The following CMSS1 variants were observed in gnomAD, a reference collection of about 807,000 sequenced individuals.
CMSS1 encodes the protein protein CMSS1.
Under a neutral mutation model 43.5 loss-of-function variants are expected in CMSS1, and 33 were observed. The ratio of observed to expected loss-of-function variants is 0.76; its 90% CI spans 0.57 to 1.01. CMSS1 has a LOEUF of 1.01. Ranked by LOEUF, CMSS1 falls within the 50% of genes least tolerant of loss-of-function variation. The pLI is 0.00. For missense variants in CMSS1, 313 were observed against 326.4 expected, an observed-to-expected ratio of 0.96 and a Z score of 0.32; for synonymous variants, 115 against 117.2, an observed-to-expected ratio of 0.98 and a Z score of 0.12.
At chr3:99,979,207 C>T (rs1184620056) in intron 1 of CMSS1, among the ~76,000 whole-genome samples, 1 of 152,120 alleles carries the variant, frequency 6.6e-6, no homozygotes, top group Non-Finnish European at 1.5e-5. Context: ...TAAATATATA[C>T]AATTACCTAT....
chr3:100,155,966 A>T (rs1338063366), intron 2 of CMSS1, among the ~76,000 whole-genome samples: 1 of 152,142 alleles, frequency 6.6e-6, no homozygotes, highest in Non-Finnish European at 1.5e-5. Flanking sequence ...TTTCACAGTG[A>T]TGCTCCTTGG....
chr3:100,030,268 G>A (rs1424832171), intron 1 of CMSS1, among the ~76,000 whole-genome samples: 1 of 152,110 alleles, frequency 6.6e-6, no homozygotes, highest in Non-Finnish European at 1.5e-5. Context: ...AAGGAAAAGA[G>A]CTGGCTTGGA....
chr3:100,030,399 T>A (rs1237616678), intron 1 of CMSS1, among the ~76,000 whole-genome samples: 2 of 152,168 alleles, frequency 1.3e-5, no homozygotes, highest in Non-Finnish European at 2.9e-5. Flanking sequence ...TAAGAGCTTT[T>A]CCAACTCTAA....
At chr3:100,052,463 G>A (rs1189410002) in intron 1 of CMSS1, among the ~76,000 whole-genome samples, 1 of 152,174 alleles carries the variant, frequency 6.6e-6, no homozygotes, top group Non-Finnish European at 1.5e-5. Context: ...AGTGCACCCA[G>A]TTGGAGGATG....
At chr3:99,959,563 C>T (rs1456592722) in intron 1 of CMSS1, among the ~76,000 whole-genome samples, 1 of 152,182 alleles carries the variant, frequency 6.6e-6, no homozygotes, top group Non-Finnish European at 1.5e-5. Context: ...TATCAATTTT[C>T]TGAGCCTTAG....
chr3:99,998,975 C>T (rs1009415137), intron 1 of CMSS1, among the ~76,000 whole-genome samples: 4 of 152,204 alleles, frequency 2.6e-5, no homozygotes, highest in Admixed American at 1.3e-4. Context: ...AAAACCTCCA[C>T]CACAAGATTT....
chr3:99,872,422 T>C (rs1944847562), intron 1 of CMSS1, among the ~76,000 whole-genome samples: 1 of 152,020 alleles, frequency 6.6e-6, no homozygotes. Context: ...TGATGTAATG[T>C]ATGCTTTCTT....
chr3:99,925,636 C>T (rs866992010), intron 1 of CMSS1, among the ~76,000 whole-genome samples: 2 of 152,056 alleles, frequency 1.3e-5, no homozygotes, highest in Non-Finnish European at 2.9e-5. Context: ...CAGCTGGTAC[C>T]CTTAGGGGCT....
intron 1 of CMSS1, among the ~76,000 whole-genome samples, chr3:100,145,957 C>G (rs912488379): frequency 6.6e-6 from 1 of 152,244 alleles, no homozygotes; most frequent in East Asian, 1.9e-4. Flanking sequence ...GATTGACCAT[C>G]ACAGTATGCA....
chr3:100,006,830 G>T (rs754045481), intron 1 of CMSS1, among the ~76,000 whole-genome samples: 2 of 152,198 alleles, frequency 1.3e-5, no homozygotes, highest in Non-Finnish European at 2.9e-5. Context: ...TTGATGGGTA[G>T]AACTGTGCAT....
In CMSS1 at chr3:99,826,263, T is replaced by C. The variant is rs1295470236; in HGVS notation, c.64+8220T>C. Among the ~76,000 whole-genome samples, 5 of 152,336 alleles carry C rather than the reference T, an allele frequency of 3.3e-5. No individual in the cohort carries two copies. In the South Asian group the frequency reaches 8.3e-4, roughly 25 times the overall value. On this transcript the variant is annotated intron_variant, in intron 1 of 9. Transcript: ENST00000421999. ...AATATTGCTTATAAAAAGTAGTTGATCAAGCTCTTAAATTCCTATTTCTGA... is the reference window on the plus strand; with the variant it reads ...AATATTGCTTATAAAAAGTAGTTGACCAAGCTCTTAAATTCCTATTTCTGA...
At chr3:99,851,663 G>C (rs992608905) in intron 1 of CMSS1, among the ~76,000 whole-genome samples, 1 of 152,118 alleles carries the variant, frequency 6.6e-6, no homozygotes, top group Non-Finnish European at 1.5e-5. Context: ...TTATCAAATG[G>C]CTTGCTTGAA....
At chr3:99,870,778 A>C (rs1278667428) in intron 1 of CMSS1, among the ~76,000 whole-genome samples, 1 of 152,232 alleles carries the variant, frequency 6.6e-6, no homozygotes, top group Non-Finnish European at 1.5e-5. Context: ...TTACCCACAG[A>C]AACTTTGGAA....
chr3:100,030,269 C>G (rs1302347413), intron 1 of CMSS1, among the ~76,000 whole-genome samples: 1 of 152,070 alleles, frequency 6.6e-6, no homozygotes, highest in Non-Finnish European at 1.5e-5. Context: ...AGGAAAAGAG[C>G]TGGCTTGGAT....
chr3:100,134,914 G>A (rs2066738211), intron 1 of CMSS1, among the ~76,000 whole-genome samples: 1 of 152,192 alleles, frequency 6.6e-6, no homozygotes, highest in African/African-American at 2.4e-5. Context: ...GTAGTTAAGA[G>A]CAGACTTTGA....
chr3:100,109,203 G>T (rs1052175949), intron 1 of CMSS1, among the ~76,000 whole-genome samples: 6 of 150,972 alleles, frequency 4.0e-5, no homozygotes, highest in Admixed American at 1.3e-4. Flanking sequence ...TTTTTCTTTT[G>T]TGTGTTTTAA....
intron 1 of CMSS1, among the ~76,000 whole-genome samples, chr3:100,011,226 G>A (rs983667531): frequency 6.6e-6 from 1 of 152,094 alleles, no homozygotes; most frequent in Non-Finnish European, 1.5e-5. Flanking sequence ...TAAAAGTGAG[G>A]TAGGTTATGA....
At chr3:99,889,370 T>C (rs1706012068) in intron 1 of CMSS1, among the ~76,000 whole-genome samples, 1 of 152,128 alleles carries the variant, frequency 6.6e-6, no homozygotes, top group Non-Finnish European at 1.5e-5. Context: ...GTTCATTTTG[T>C]TTGATATTAA....
chr3:99,959,425 C>T (rs1432246760), intron 1 of CMSS1, among the ~76,000 whole-genome samples: 3 of 152,228 alleles, frequency 2.0e-5, no homozygotes, highest in Non-Finnish European at 4.4e-5. Flanking sequence ...GCTGGGATTA[C>T]AGGCGTGAGC....
Sources: gnomAD v4.1 joint callset for allele counts (sites outside exome capture counted in the v4.1 genomes callset) on GRCh38, gnomAD v4.1.1 for gene constraint, MANE v1.5 for transcripts, NCBI Gene and HGNC (gene_info 2026-07-23, HGNC 2026-07-21) for gene names.